Variants in ADRA1B observed in about 807,000 individuals in gnomAD.
ADRA1B encodes adrenoceptor alpha 1B.
Under a neutral mutation model 17.9 loss-of-function variants are expected in ADRA1B, and 17 were observed. The ratio of observed to expected loss-of-function variants is 0.95; its 90% confidence interval spans 0.65 to 1.42. The LOEUF is 1.42. Among genes scored for constraint, ADRA1B ranks in the 40% most tolerant of loss-of-function variants. The pLI is 0.00. For missense variants in ADRA1B, 681 were observed against 722.1 expected, an observed-to-expected ratio of 0.94 and a Z score of 0.65; for synonymous variants, 366 against 327.6, an observed-to-expected ratio of 1.12 and a Z score of -1.27.
At chr5:159,898,080 G>T (rs1256257767) in intron 1 of ADRA1B, among the ~76,000 whole-genome samples, 1 of 152,208 alleles carries the variant, frequency 6.6e-6, no homozygotes, top group South Asian at 2.1e-4. Flanking sequence ...CAAACCACAG[G>T]CAGAGAAGCC....
chr5:159,941,047 A>G (rs1333782222), intron 1 of ADRA1B, among the ~76,000 whole-genome samples: 2 of 152,216 alleles, frequency 1.3e-5, no homozygotes, highest in Non-Finnish European at 2.9e-5. Context: ...TAGAAGGTGG[A>G]TCACTTCTCC....
intron 1 of ADRA1B, among the ~76,000 whole-genome samples, chr5:159,875,797 G>A (rs1321865756): frequency 6.6e-6 from 1 of 152,180 alleles, no homozygotes; most frequent in African/African-American, 2.4e-5. Context: ...GCAGGGAAAG[G>A]AGAAGAAAAA....
Position 159,916,844 on chromosome 5 carries a change from A to T in ADRA1B, c.-62A>T, listed in dbSNP as rs1581030252. On this transcript the variant is annotated 5_prime_UTR_variant, in exon 1 of 2. Coordinates refer to ENST00000306675, the MANE Select transcript of ADRA1B (RefSeq NM_000679.4). ...AAGCAAAGTTTCAGGGCAGCTGAGG[A>T]GCCTTCGCCGCAGCCCTTCCGAGCC... 2.0e-6 allele frequency: 3 copies of T among 1,483,138 alleles called. No individual in the cohort carries two copies. Among genetic ancestry groups the T allele is most frequent in the Non-Finnish European group, 1.8e-6 (2 of 1,094,474 alleles). The allele number at this position is 1,483,138 out of a possible 1,614,324, so 91.9% of individuals were successfully genotyped here. A position where few individuals can be genotyped will look rare whatever the true frequency, so the allele number is the denominator to read the frequency against.
chr5:159,940,217 T>G (rs1755087547), intron 1 of ADRA1B, among the ~76,000 whole-genome samples: 2 of 152,358 alleles, frequency 1.3e-5, no homozygotes, highest in Middle Eastern at 3.4e-3. Context: ...CTGAATCTTC[T>G]TCTAGACTTA....
In ADRA1B at chr5:159,967,562, GA is replaced by G. The variant is rs752113189; in HGVS notation, c.950-4316del. 6.6e-4 allele frequency among the ~76,000 whole-genome samples: 100 copies of G among 152,156 alleles called. 1 individual carries two copies. Among genetic ancestry groups the G allele is most frequent in the Admixed American group, 1.1e-3 (17 of 15,280 alleles). On this transcript the variant is annotated intron_variant, in intron 1 of 1. Coordinates refer to ENST00000306675, the MANE Select transcript of ADRA1B (RefSeq NM_000679.4). ...ACATAGATATTGTCCCCATTTTACA[GA>G]TGGGAAAATTGAGGCTGAGATGGCT... is the stretch of plus-strand genomic sequence containing the variant.
intron 1 of ADRA1B, among the ~76,000 whole-genome samples, chr5:159,877,044 G>C (rs1239442624): frequency 6.6e-6 from 1 of 152,180 alleles, no homozygotes; most frequent in Non-Finnish European, 1.5e-5. Flanking sequence ...TGGGACTCAG[G>C]CCTGCAGTCA....
intron 1 of ADRA1B, chr5:159,951,449 A>C (rs1175518268): frequency 5.4e-6 from 4 of 743,232 alleles, no homozygotes; most frequent in Non-Finnish European, 7.4e-6. Context: ...CCTGGTGAGC[A>C]GGTGCCCAAT....
chr5:159,888,782 C>G (rs914733544), intron 1 of ADRA1B, among the ~76,000 whole-genome samples: 2 of 152,194 alleles, frequency 1.3e-5, no homozygotes, highest in African/African-American at 4.8e-5. Context: ...GGAGAGGCCA[C>G]CAAGCCAGTA....
At chr5:159,946,591 T>G (rs1320454553) in intron 1 of ADRA1B, among the ~76,000 whole-genome samples, 1 of 152,252 alleles carries the variant, frequency 6.6e-6, no homozygotes, top group East Asian at 1.9e-4. Flanking sequence ...TCATGACCTC[T>G]TTTTCTAAAC....
At chr5:159,970,146 A>T (rs1412835618) in intron 1 of ADRA1B, among the ~76,000 whole-genome samples, 1 of 152,162 alleles carries the variant, frequency 6.6e-6, no homozygotes, top group Non-Finnish European at 1.5e-5. Flanking sequence ...TCTTATTCAT[A>T]ATGTCTCATC....
chr5:159,985,650 TTTTTC>T, the ADRA1B span, among the ~76,000 whole-genome samples: 54 of 152,362 alleles, frequency 3.5e-4, 1 homozygote, highest in African/African-American at 1.3e-3. Context: ...TCAGGGCTCC[TTTTTC>T]TTTTCTTTTT....
At position 159,916,880 on chromosome 5, in the gene ADRA1B, C is replaced by T. The variant is rs749147890; in HGVS notation, c.-26C>T. 17 of 1,578,094 alleles carry T rather than the reference C, an allele frequency of 1.1e-5. No homozygotes were observed. In the Admixed American group the frequency reaches 2.8e-4, roughly 26 times the overall value. Reference sequence around the variant, plus strand: ...CAGCCCTTCCGAGCCCAATCATCCCCCTGGCTATGGAGGGCGGACTCTAAG... The same window carrying T: ...CAGCCCTTCCGAGCCCAATCATCCCTCTGGCTATGGAGGGCGGACTCTAAG... On this transcript the variant is annotated 5_prime_UTR_variant, in exon 1 of 2. Coordinates refer to ENST00000306675, the MANE Select transcript of ADRA1B (RefSeq NM_000679.4).
At chr5:159,896,985 G>T (rs1190981077) in intron 1 of ADRA1B, among the ~76,000 whole-genome samples, 2 of 152,274 alleles carry the variant, frequency 1.3e-5, no homozygotes, top group East Asian at 3.9e-4. Context: ...TGGAAAAATA[G>T]CCTGCATATC....
chr5:159,881,150 C>T (rs565051888), intron 1 of ADRA1B, among the ~76,000 whole-genome samples: 32 of 131,370 alleles, frequency 2.4e-4, no homozygotes, highest in Non-Finnish European at 4.5e-4. Context: ...GTCCGCAGTC[C>T]GGCCTGGGCG....
intron 1 of ADRA1B, among the ~76,000 whole-genome samples, chr5:159,956,866 T>C (rs1755559283): frequency 6.6e-6 from 1 of 152,274 alleles, no homozygotes; most frequent in South Asian, 2.1e-4. Context: ...CCTAAAATAT[T>C]TTAATATTTT....
At chr5:159,942,096 G>C (rs1191340505) in intron 1 of ADRA1B, among the ~76,000 whole-genome samples, 1 of 151,940 alleles carries the variant, frequency 6.6e-6, no homozygotes, top group African/African-American at 2.4e-5. Context: ...CTAATTTTTT[G>C]TATTTTTAGT....
chr5:159,925,301 G>C (rs925995), intron 1 of ADRA1B, among the ~76,000 whole-genome samples: 7 of 152,250 alleles, frequency 4.6e-5, no homozygotes, highest in Admixed American at 4.6e-4. Flanking sequence ...AAAATAATTG[G>C]GTCGTTCCTC....
chr5:159,915,440 T>A (rs1754278992), upstream of ADRA1B, among the ~76,000 whole-genome samples: 1 of 152,260 alleles, frequency 6.6e-6, no homozygotes, highest in African/African-American at 2.4e-5. Flanking sequence ...TAAAGTTCTT[T>A]GGCTTTTTCT....
At chr5:159,939,932 G>C (rs1005428859) in intron 1 of ADRA1B, among the ~76,000 whole-genome samples, 4 of 152,132 alleles carry the variant, frequency 2.6e-5, no homozygotes, top group Admixed American at 6.5e-5. Context: ...TCTCTCTTGT[G>C]CGATCTCTGT....
Sources: gnomAD v4.1 joint callset for allele counts (sites outside exome capture counted in the v4.1 genomes callset) on GRCh38, gnomAD v4.1.1 for gene constraint, MANE v1.5 for transcripts, NCBI Gene and HGNC (gene_info 2026-07-23, HGNC 2026-07-21) for gene names.